TRDMT1: variants seen among roughly 807,000 people sequenced by gnomAD.
TRDMT1 encodes tRNA (cytosine(38)-C(5))-methyltransferase.
A neutral mutation model predicts 51.2 loss-of-function variants in TRDMT1; 49 were observed. The observed-to-expected ratio is 0.96, with a 90% CI of 0.76 to 1.21. The LOEUF is 1.21. TRDMT1 is among the 50% of genes most tolerant of loss of function. TRDMT1 has a pLI of 0.00. For synonymous variants in TRDMT1, 187 were observed against 164.6 expected, an observed-to-expected ratio of 1.14 and a Z score of -1.04; for missense variants, 534 against 462.3, an observed-to-expected ratio of 1.16 and a Z score of -1.42.
chr10:17,198,117 G>A (rs1845692286), intron 1 of TRDMT1, among the ~76,000 whole-genome samples: 1 of 152,074 alleles, frequency 6.6e-6, no homozygotes, highest in Non-Finnish European at 1.5e-5. Context: ...AATAGGATAT[G>A]ATTTCATATC....
rs185574159 is a variant in TRDMT1 at position 17,146,769 on chromosome 10, A to C, written c.*2271T>G. On this transcript the variant is annotated 3_prime_UTR_variant, in exon 11 of 11. Coordinates refer to ENST00000377799, the MANE Select transcript of TRDMT1 (RefSeq NM_004412.7). ...AAACAGAATTTCCAGTGCAAATTTT[A>C]TATACAGCATTATTACCAAAAGCAT... 7.7e-4 allele frequency: 756 copies of C among 985,484 alleles called. 3 individuals are homozygous for C. The African/African-American group carries it at 9.7e-3, about 13-fold the overall frequency. 61.0% of individuals were successfully genotyped at this position (985,484 alleles called of 1,614,324 possible). A position where few individuals can be genotyped will look rare whatever the true frequency, so the allele number is the denominator to read the frequency against.
At chr10:17,161,623 T>G (rs1243465628) in intron 4 of TRDMT1, 75 bp from the exon 5 acceptor site, 1 of 804,034 alleles carries the variant, frequency 1.2e-6, no homozygotes. Flanking sequence ...TCATTACTTG[T>G]GGGAAATACG....
rs962483628 is a variant in TRDMT1, at chr10:17,145,059, G to C, written c.*3981C>G. 1.5e-5 allele frequency: 12 copies of C among 796,172 alleles called. No homozygotes were observed. In the South Asian group the frequency reaches 6.3e-4, roughly 42 times the overall value. The allele number at this position is 796,172 out of a possible 1,614,324, so 49.3% of individuals were successfully genotyped here. On this transcript the variant is annotated 3_prime_UTR_variant, in exon 11 of 11. Transcript: ENST00000377799. ...GAGGTCAGGTGTTCGAGACCAGCCT[G>C]GCCAACATGGTGAAACCCGATCTCT...
intron 1 of TRDMT1, among the ~76,000 whole-genome samples, chr10:17,182,678 T>C: frequency 6.6e-6 from 1 of 152,314 alleles, no homozygotes; most frequent in East Asian, 1.9e-4. Context: ...TATATATGGA[T>C]ACTAAATACA....
intron 10 of TRDMT1, 164 bp downstream of exon 10, chr10:17,153,343 T>TTATGAGG (rs1839030602): frequency 1.3e-6 from 1 of 754,422 alleles, no homozygotes. Flanking sequence ...AATGAGGCAG[T>TTATGAGG]TATGAGGGGA....
chr10:17,146,903 T>G lies in TRDMT1; in HGVS notation c.*2137A>C, dbSNP rs1321068108. 1 of 977,620 alleles carries G rather than the reference T, an allele frequency of 1.0e-6. No homozygotes were observed. The highest frequency in any genetic ancestry group is 1.1e-4 in the East Asian group (1 of 8,810). The allele number at this position is 977,620 out of a possible 1,614,324, so 60.6% of individuals were successfully genotyped here. A position where few individuals can be genotyped will look rare whatever the true frequency, so the allele number is the denominator to read the frequency against. ...CATCTTCATTAAGATGTGAGTTTTA[T>G]GCTTGTTACTGCATATTTTCAATTA... On this transcript the variant is annotated 3_prime_UTR_variant, in exon 11 of 11. Transcript: ENST00000377799.
intron 10 of TRDMT1, chr10:17,152,033 T>C: frequency 7.7e-7 from 1 of 1,301,672 alleles, no homozygotes; most frequent in African/African-American, 1.5e-5. Context: ...GAAGAAAAGC[T>C]GAGGAATTCA....
intron 3 of TRDMT1, among the ~76,000 whole-genome samples, chr10:17,163,926 T>C (rs1344631163): frequency 5.9e-5 from 9 of 152,182 alleles, no homozygotes; most frequent in Non-Finnish European, 1.2e-4. Context: ...CACAGCCAAA[T>C]TCTACCAGAG....
intron 1 of TRDMT1, among the ~76,000 whole-genome samples, chr10:17,196,965 C>T (rs1167772843): frequency 6.6e-6 from 1 of 152,178 alleles, no homozygotes; most frequent in Admixed American, 6.5e-5. Flanking sequence ...GACAGCACTT[C>T]TGGCTTCCAG....
intron 8 of TRDMT1, among the ~76,000 whole-genome samples, chr10:17,155,179 A>G (rs1051989729): frequency 1.3e-5 from 2 of 152,074 alleles, no homozygotes; most frequent in African/African-American, 4.8e-5. Flanking sequence ...ACGCCACTGC[A>G]CTCCAGCCTG....
At chr10:17,178,970 T>G (rs978954360) in intron 1 of TRDMT1, among the ~76,000 whole-genome samples, 23 of 152,174 alleles carry the variant, frequency 1.5e-4, no homozygotes, top group African/African-American at 5.5e-4. Flanking sequence ...GGAGAATTTA[T>G]TTTTCAACAA....
intron 2 of TRDMT1, among the ~76,000 whole-genome samples, chr10:17,173,791 T>C (rs1842326292): frequency 1.0e-5 from 1 of 97,454 alleles, no homozygotes; most frequent in East Asian, 2.5e-4. Context: ...TTTTTTTTTT[T>C]TGAGACAAAG....
At chr10:17,150,964 C>T in intron 10 of TRDMT1, 2 of 985,094 alleles carry the variant, frequency 2.0e-6, no homozygotes, top group Non-Finnish European at 2.4e-6. Flanking sequence ...GGTTTGAAAA[C>T]AAATAAGTAA....
rs917071280 is a variant in TRDMT1, at chr10:17,144,709, C to T, written c.*4331G>A. The T allele has an allele frequency of 2.5e-4, 248 of 985,186 alleles. 2 individuals are homozygous for T. Among genetic ancestry groups the T allele is most frequent in the Non-Finnish European group, 7.0e-5 (58 of 829,924 alleles). The allele number at this position is 985,186 out of a possible 1,614,324, so 61.0% of individuals were successfully genotyped here. The stretch of plus-strand genomic sequence containing the variant: ...ACATGAATGGTGATGGAGTTTGGAT[C>T]TTGATTGTGTAAGATTTTGAAGAGC... On this transcript the variant is annotated 3_prime_UTR_variant, in exon 11 of 11. Coordinates refer to ENST00000377799, the MANE Select transcript of TRDMT1 (RefSeq NM_004412.7).
rs1025840186 is a variant in TRDMT1 at position 17,138,151 on chromosome 10, C to A, written c.*10889G>T. On this transcript the variant is annotated 3_prime_UTR_variant, in exon 11 of 11. Coordinates refer to ENST00000377799, the MANE Select transcript of TRDMT1 (RefSeq NM_004412.7). Reference sequence around the variant, plus strand: ...TTCTCACACCCCTAATGCTAGCTCCCATTACATGTTATAGCTTCAATCTGG... The same window carrying A: ...TTCTCACACCCCTAATGCTAGCTCCAATTACATGTTATAGCTTCAATCTGG... Among the ~76,000 whole-genome samples, 1 of 152,132 alleles carries A rather than the reference C, an allele frequency of 6.6e-6. No individual in the cohort carries two copies. Among genetic ancestry groups the A allele is most frequent in the Admixed American group, 6.5e-5 (1 of 15,278 alleles).
chr10:17,145,386 T>C lies in TRDMT1; in HGVS notation c.*3654A>G, dbSNP rs557171445. On this transcript the variant is annotated 3_prime_UTR_variant, in exon 11 of 11. Transcript: ENST00000377799. The stretch of plus-strand genomic sequence containing the variant: ...TGCTAAGAAGCTGATATGATAGTTG[T>C]ATATAGCACATTTGAATGGTAGATG... The C allele has an allele frequency of 1.6e-5, 16 of 985,410 alleles. No individual in the cohort carries two copies. In the South Asian group the frequency reaches 5.6e-4, roughly 35 times the overall value. 61.0% of individuals were successfully genotyped at this position (985,410 alleles called of 1,614,324 possible).
rs188201970 is a variant in TRDMT1, at chr10:17,148,459, T to C, written c.*581A>G. 4.0e-5 allele frequency: 39 copies of C among 985,466 alleles called. No individual in the cohort carries two copies. In the Middle Eastern group the frequency reaches 1.6e-3, roughly 40 times the overall value. 61.0% of individuals were successfully genotyped at this position (985,466 alleles called of 1,614,324 possible). A position where few individuals can be genotyped will look rare whatever the true frequency, so the allele number is the denominator to read the frequency against. On this transcript the variant is annotated 3_prime_UTR_variant, in exon 11 of 11. Transcript: ENST00000377799. ...GTGCACCAACAGTTTCTGTGGCCGC[T>C]TCATGGAGAGGTAATCAAACATTTA...
chr10:17,190,551 G>C (rs764353752), intron 1 of TRDMT1, among the ~76,000 whole-genome samples: 3 of 151,574 alleles, frequency 2.0e-5, no homozygotes, highest in Non-Finnish European at 2.9e-5. Context: ...TGATTATTTT[G>C]ACAATATTTA....
Position 17,145,047 on chromosome 10 carries a change from C to T in TRDMT1, c.*3993G>A, listed in dbSNP as rs572975600. 1,621 of 866,688 alleles carry T rather than the reference C, an allele frequency of 1.9e-3. 5 individuals carry two copies. The highest frequency in any genetic ancestry group is 2.0e-3 in the Non-Finnish European group (1,477 of 721,880). 53.7% of individuals were successfully genotyped at this position (866,688 alleles called of 1,614,324 possible). On this transcript the variant is annotated 3_prime_UTR_variant, in exon 11 of 11. Transcript: ENST00000377799. ...GTGGATTAACTTGAGGTCAGGTGTT[C>T]GAGACCAGCCTGGCCAACATGGTGA...
Sources: gnomAD v4.1 joint callset for allele counts (sites outside exome capture counted in the v4.1 genomes callset) on GRCh38, gnomAD v4.1.1 for gene constraint, MANE v1.5 for transcripts, NCBI Gene and HGNC (gene_info 2026-07-23, HGNC 2026-07-21) for gene names.